The following XPNPEP1 variants were observed in gnomAD, a reference collection of about 807,000 sequenced individuals.
XPNPEP1 encodes the protein xaa-Pro aminopeptidase 1.
Under a neutral mutation model 92.4 loss-of-function variants are expected in XPNPEP1, and 39 were observed. The observed-to-expected ratio is 0.42, with a 90% CI of 0.33 to 0.55. XPNPEP1 has a LOEUF of 0.55. Ranked by LOEUF, XPNPEP1 falls within the 20% of genes least tolerant of loss-of-function variation. The pLI, the probability that XPNPEP1 is intolerant of heterozygous loss-of-function variation, is 0.08. For synonymous variants in XPNPEP1, 307 were observed against 299.4 expected (o/e 1.03, Z -0.26); for missense variants, 654 against 856.1 (o/e 0.76, Z 2.95).
intron 1 of XPNPEP1, among the ~76,000 whole-genome samples, chr10:109,917,838 C>T (rs1158278874): frequency 1.3e-5 from 2 of 152,178 alleles, no homozygotes; most frequent in African/African-American, 4.8e-5. Flanking sequence ...TTTGAGGATG[C>T]CAAAACCATT....
chr10:109,923,297 G>T, intron 1 of XPNPEP1, 105 bp downstream of exon 1: 1 of 1,236,758 alleles, frequency 8.1e-7, no homozygotes, highest in South Asian at 2.8e-5. Flanking sequence ...GCGGCGGGCC[G>T]GGCTCCTCAC....
chr10:109,908,633 G>A (rs1436583508), intron 2 of XPNPEP1, among the ~76,000 whole-genome samples: 1 of 151,834 alleles, frequency 6.6e-6, no homozygotes, highest in Non-Finnish European at 1.5e-5. Context: ...GATGACAAAG[G>A]AAAAAAATAT....
At chr10:109,870,064 C>A (rs770224711) in intron 18 of XPNPEP1, 35 bp from the exon 19 acceptor site, 1 of 1,608,918 alleles carries the variant, frequency 6.2e-7, no homozygotes. Context: ...TGAGAAGCAG[C>A]CCACGATGAA....
intron 16 of XPNPEP1, among the ~76,000 whole-genome samples, chr10:109,873,124 T>G (rs901201985): frequency 6.6e-6 from 1 of 152,238 alleles, no homozygotes; most frequent in Admixed American, 6.5e-5. Context: ...AAAGCTATTA[T>G]ATTTAAACTT....
intron 19 of XPNPEP1, among the ~76,000 whole-genome samples, chr10:109,869,146 C>T (rs1212126936): frequency 6.6e-6 from 1 of 152,226 alleles, no homozygotes; most frequent in East Asian, 1.9e-4. Flanking sequence ...GGCGACAACA[C>T]ATCTATCCAC....
At chr10:109,870,629 T>C in intron 18 of XPNPEP1, 102 bp downstream of exon 18, 1 of 1,437,078 alleles carries the variant, frequency 7.0e-7, no homozygotes. Flanking sequence ...AAGGGAAAAG[T>C]ATTGCCAATT....
chr10:109,902,221 T>A (rs1849323085), intron 3 of XPNPEP1, among the ~76,000 whole-genome samples: 1 of 152,242 alleles, frequency 6.6e-6, no homozygotes, highest in Admixed American at 6.5e-5. Context: ...ATGACGAGAC[T>A]TTTCAAGTGA....
At chr10:109,918,863 GGA>G (rs1564799099) in intron 1 of XPNPEP1, among the ~76,000 whole-genome samples, 9 of 34,888 alleles carry the variant, frequency 2.6e-4, no homozygotes, top group African/African-American at 1.2e-3. Context: ...AAGGAGGGAA[GGA>G]AGGAAGGAAG....
At chr10:109,911,579 T>A (rs1472241919) in intron 2 of XPNPEP1, among the ~76,000 whole-genome samples, 1 of 152,234 alleles carries the variant, frequency 6.6e-6, no homozygotes, top group African/African-American at 2.4e-5. Context: ...TTTACTCTGA[T>A]ATCTTTCAGG....
At chr10:109,871,770 T>C (rs182030667) in intron 17 of XPNPEP1, 22 bp downstream of exon 17, 114 of 1,606,080 alleles carry the variant, frequency 7.1e-5, no homozygotes, top group East Asian at 1.1e-4. Context: ...GAGCCTGCCA[T>C]GTGACAGAAT....
chr10:109,894,553 A>T (rs1483266362), intron 3 of XPNPEP1, among the ~76,000 whole-genome samples: 5 of 69,600 alleles, frequency 7.2e-5, no homozygotes, highest in Admixed American at 2.4e-4. Flanking sequence ...AACAAAAATT[A>T]AAAAAAAAAA....
At chr10:109,916,134 G>A (rs1173413101) in intron 1 of XPNPEP1, among the ~76,000 whole-genome samples, 2 of 152,160 alleles carry the variant, frequency 1.3e-5, no homozygotes, top group Non-Finnish European at 2.9e-5. Flanking sequence ...AGCACAGCAA[G>A]GGGAAGAAAG....
intron 14 of XPNPEP1, chr10:109,876,838 T>C (rs1389891796): frequency 6.6e-6 from 1 of 152,346 alleles, no homozygotes; most frequent in Non-Finnish European, 1.5e-5. Flanking sequence ...TGAAGCCCAA[T>C]GGCCACACCT....
intron 1 of XPNPEP1, among the ~76,000 whole-genome samples, chr10:109,918,858 GGGAAGGAAGGAAGGAAGGAAGGAA>G (rs869050041): frequency 0.024 from 2,078 of 87,254 alleles, 63 homozygotes; most frequent in Admixed American, 0.073. Flanking sequence ...GAAGGAAGGA[GGGAAGGAAGGAAGGAAGGAAGGAA>G]GGAAGGAAGG....
At chr10:109,916,397 G>A (rs1283287973) in intron 1 of XPNPEP1, among the ~76,000 whole-genome samples, 1 of 152,224 alleles carries the variant, frequency 6.6e-6, no homozygotes, top group Non-Finnish European at 1.5e-5. Flanking sequence ...AAGTGGTTCA[G>A]AGACAACATC....
rs1847591605 is a variant in XPNPEP1 at position 109,873,353 on chromosome 10, T to G, written c.1452+14A>C. 6.2e-7 allele frequency: 1 copy of G among 1,614,060 alleles called. No individual in the cohort carries two copies. Among genetic ancestry groups the G allele is most frequent in the African/African-American group, 1.3e-5 (1 of 74,952 alleles). ...AGCAGAGAGGACCTCTTGAGTTTTTTACCTCCACCTTACCTTCTCGTAGGC... is the reference window on the plus strand; with the variant it reads ...AGCAGAGAGGACCTCTTGAGTTTTTGACCTCCACCTTACCTTCTCGTAGGC... On this transcript the variant is annotated intron_variant, in intron 16 of 20. Coordinates refer to ENST00000502935, the MANE Select transcript of XPNPEP1 (RefSeq NM_020383.4).
intron 14 of XPNPEP1, chr10:109,875,818 G>C: frequency 2.3e-6 from 1 of 438,438 alleles, no homozygotes; most frequent in Non-Finnish European, 4.1e-6. Context: ...GAGATAAAGA[G>C]CTCAACAAAG....
chr10:109,870,081 T>C (rs754981443), intron 18 of XPNPEP1, 52 bp from the exon 19 acceptor site: 22 of 1,591,490 alleles, frequency 1.4e-5, no homozygotes, highest in Non-Finnish European at 1.9e-5. Context: ...TGAAGATGTC[T>C]ACAGAGAGAA....
intron 3 of XPNPEP1, among the ~76,000 whole-genome samples, chr10:109,897,557 G>A (rs749674570): frequency 5.9e-5 from 9 of 151,830 alleles, no homozygotes; most frequent in African/African-American, 1.2e-4. Context: ...ATCATCCCTC[G>A]CTAATCTACA....
Sources: allele counts gnomAD v4.1 joint callset (sites outside exome capture counted in the v4.1 genomes callset), GRCh38; gene constraint gnomAD v4.1.1; transcripts MANE v1.5; gene names NCBI Gene and HGNC (gene_info 2026-07-23, HGNC 2026-07-21).